The following KLF8 variants were observed in gnomAD, a reference collection of about 807,000 sequenced individuals.
The protein encoded by KLF8 is KLF transcription factor 8, also known as Krueppel-like factor 8.
KLF8 carries 10 observed loss-of-function variants against 18.2 expected under a neutral mutation model. That is an observed-to-expected ratio of 0.55 (90% CI 0.34 to 0.93). The LOEUF (loss-of-function observed/expected upper bound fraction) is 0.93. KLF8 is among the 40% of genes least tolerant of loss of function. The pLI, the probability that KLF8 is intolerant of heterozygous loss-of-function variation, is 0.02. For missense variants in KLF8, 264 were observed against 277.9 expected, an observed-to-expected ratio of 0.95 and a Z score of 0.36; for synonymous variants, 109 against 97.3, an observed-to-expected ratio of 1.12 and a Z score of -0.71.
the KLF8 span, among the ~76,000 whole-genome samples, chrX:56,086,632 CT>C: frequency 1.8e-5 from 2 of 110,549 alleles, no homozygotes. Context: ...TCATATTCTT[CT>C]TATAGTTTAT....
At chrX:56,102,632 G>A in the KLF8 span, among the ~76,000 whole-genome samples, 11 of 111,080 alleles carry the variant, frequency 9.9e-5, no homozygotes, top group Admixed American at 1.9e-4. Context: ...CTCTGATTTC[G>A]TTCAGCAGGA....
chrX:55,930,507 A>G, the KLF8 span, among the ~76,000 whole-genome samples: 1 of 112,078 alleles, frequency 8.9e-6, no homozygotes, highest in Non-Finnish European at 1.9e-5. Flanking sequence ...TCAGTGAGAT[A>G]TTGGCTGTGG....
chrX:56,132,636 A>G, the KLF8 span, among the ~76,000 whole-genome samples: 1 of 111,829 alleles, frequency 8.9e-6, no homozygotes, highest in African/African-American at 3.2e-5. Context: ...AACAAAACTC[A>G]AACCCAGAAG....
At chrX:56,042,191 G>A in the KLF8 span, among the ~76,000 whole-genome samples, 1 of 112,058 alleles carries the variant, frequency 8.9e-6, no homozygotes, top group East Asian at 2.8e-4. Flanking sequence ...ATGGTTTTAT[G>A]TGAATTTCTT....
In KLF8 at chrX:56,291,138, G is replaced by A. The variant is rs1385914042; in HGVS notation, c.*6644G>A. ...TTGGGGAAAGGAGCCTGCAGTGAAA[G>A]GATCAGTTGGATTTTTTGTCATTGT... is the stretch of plus-strand genomic sequence containing the variant. On this transcript the variant is annotated 3_prime_UTR_variant, in exon 6 of 6. Transcript: ENST00000468660. Among the ~76,000 whole-genome samples the A allele has an allele frequency of 9.0e-6, 1 of 111,528 alleles. No homozygotes were observed. Among genetic ancestry groups the A allele is most frequent in the Non-Finnish European group, 1.9e-5 (1 of 53,073 alleles).
At chrX:56,012,259 A>G in the KLF8 span, among the ~76,000 whole-genome samples, 1 of 111,827 alleles carries the variant, frequency 8.9e-6, no homozygotes, top group Non-Finnish European at 1.9e-5. Flanking sequence ...CAAAAAGCCT[A>G]CCCACCACAA....
intron 1 of KLF8, among the ~76,000 whole-genome samples, chrX:56,249,214 A>G (rs1248842480): frequency 2.0e-4 from 22 of 112,780 alleles, no homozygotes; most frequent in South Asian, 3.7e-4. Flanking sequence ...CAGAAGAAAT[A>G]ATAGATTCAG....
chrX:56,066,256 G>C, the KLF8 span, among the ~76,000 whole-genome samples: 20 of 112,093 alleles, frequency 1.8e-4, no homozygotes, highest in Non-Finnish European at 3.8e-5. Context: ...CAGTCTCCTA[G>C]GAGGAGTGCT....
the KLF8 span, among the ~76,000 whole-genome samples, chrX:56,126,669 T>C: frequency 9.0e-6 from 1 of 111,020 alleles, no homozygotes; most frequent in African/African-American, 3.3e-5. Context: ...TTTGCACTTG[T>C]CATTTTTTCT....
the KLF8 span, among the ~76,000 whole-genome samples, chrX:56,192,723 C>G: frequency 8.9e-6 from 1 of 112,247 alleles, no homozygotes; most frequent in African/African-American, 3.2e-5. Context: ...TGGAACATCT[C>G]TTCAATAAAT....
chrX:56,094,320 T>A, the KLF8 span, among the ~76,000 whole-genome samples: 1 of 111,370 alleles, frequency 9.0e-6, no homozygotes, highest in Admixed American at 9.6e-5. Flanking sequence ...AGGATATTAA[T>A]TTTAGCCAAA....
chrX:56,191,678 C>T, the KLF8 span, among the ~76,000 whole-genome samples: 1 of 111,382 alleles, frequency 9.0e-6, no homozygotes, highest in Non-Finnish European at 1.9e-5. Context: ...TGCATCGTAT[C>T]AACAAAATGA....
the KLF8 span, among the ~76,000 whole-genome samples, chrX:56,141,246 C>T: frequency 1.8e-5 from 2 of 112,027 alleles, no homozygotes; most frequent in East Asian, 2.8e-4. Context: ...GGGTTACAGG[C>T]GTGAGCCACC....
At chrX:56,158,243 G>A in the KLF8 span, among the ~76,000 whole-genome samples, 3 of 111,093 alleles carry the variant, frequency 2.7e-5, no homozygotes, top group Non-Finnish European at 3.8e-5. Flanking sequence ...TGTTCCATTG[G>A]TCTATATCTC....
At chrX:56,127,358 T>C in the KLF8 span, among the ~76,000 whole-genome samples, 9 of 111,376 alleles carry the variant, frequency 8.1e-5, no homozygotes, top group African/African-American at 2.9e-4. Context: ...CCACTACAGA[T>C]AAAACATGAG....
At chrX:55,913,579 A>G in the KLF8 span, among the ~76,000 whole-genome samples, 3 of 111,641 alleles carry the variant, frequency 2.7e-5, no homozygotes, top group Non-Finnish European at 5.6e-5. Flanking sequence ...GGAGAGGCCT[A>G]GAACAGATTC....
chrX:56,097,265 C>G, the KLF8 span, among the ~76,000 whole-genome samples: 1 of 110,278 alleles, frequency 9.1e-6, no homozygotes, highest in Non-Finnish European at 1.9e-5. Flanking sequence ...GGAGAAGTCC[C>G]AGCTTTTTGG....
At chrX:56,179,390 G>A in the KLF8 span, among the ~76,000 whole-genome samples, 1 of 112,182 alleles carries the variant, frequency 8.9e-6, no homozygotes, top group African/African-American at 3.2e-5. Context: ...GGAGATTTTA[G>A]GCTGAGACTA....
At chrX:56,033,510 T>G in the KLF8 span, among the ~76,000 whole-genome samples, 6 of 112,029 alleles carry the variant, frequency 5.4e-5, no homozygotes, top group Non-Finnish European at 1.1e-4. Context: ...CATACTAATT[T>G]TAAATCCTTT....
Sources: allele counts gnomAD v4.1 joint callset (sites outside exome capture counted in the v4.1 genomes callset), GRCh38; gene constraint gnomAD v4.1.1; transcripts MANE v1.5; gene names NCBI Gene and HGNC (gene_info 2026-07-23, HGNC 2026-07-21).